RIMS2: variants seen among roughly 807,000 people sequenced by gnomAD.
The protein encoded by RIMS2 is regulating synaptic membrane exocytosis protein 2.
RIMS2 carries 59 observed loss-of-function variants against 174.4 expected under a neutral mutation model. The ratio of observed to expected loss-of-function variants is 0.34; its 90% confidence interval spans 0.27 to 0.42. The LOEUF is 0.42. Among genes scored for constraint, RIMS2 ranks in the 10% least tolerant of loss-of-function variants. The pLI is 1.00. For synonymous variants in RIMS2, 606 were observed against 572.5 expected (o/e 1.06, Z -0.84); for missense variants, 1,620 against 1,666.3 (o/e 0.97, Z 0.48).
chr8:103,804,953 C>T (rs1182795676), intron 3 of RIMS2, among the ~76,000 whole-genome samples: 1 of 151,996 alleles, frequency 6.6e-6, no homozygotes, highest in African/African-American at 2.4e-5. Flanking sequence ...AATGCCATCA[C>T]ACCCAGCTAA....
chr8:103,600,468 G>C (rs961354614), intron 1 of RIMS2, among the ~76,000 whole-genome samples: 2 of 151,924 alleles, frequency 1.3e-5, no homozygotes, highest in Non-Finnish European at 2.9e-5. Flanking sequence ...ATGGGGTTTT[G>C]CCATATTGGC....
chr8:103,916,451 A>G (rs777262112), exon 8 of RIMS2: 18 of 1,609,604 alleles, frequency 1.1e-5, no homozygotes, highest in Non-Finnish European at 5.1e-6. Flanking sequence ...GACTACTGCA[A>G]GGAGCCACAT....
intron 1 of RIMS2, among the ~76,000 whole-genome samples, chr8:103,592,747 CTT>C (rs995914437): frequency 2.0e-5 from 3 of 151,284 alleles, no homozygotes; most frequent in Middle Eastern, 3.2e-3. Flanking sequence ...TAGCATTAAA[CTT>C]TTTTTAGTAC....
intron 17 of RIMS2, among the ~76,000 whole-genome samples, chr8:104,012,740 G>A (rs2095801511): frequency 6.6e-6 from 1 of 152,058 alleles, no homozygotes. Context: ...CCTTCAACAA[G>A]GATTAAGTTT....
chr8:103,561,596 A>T (rs147525808), intron 1 of RIMS2, among the ~76,000 whole-genome samples: 5 of 152,218 alleles, frequency 3.3e-5, no homozygotes, highest in Non-Finnish European at 5.9e-5. Flanking sequence ...TTCTTATATC[A>T]GCAACATCAA....
At chr8:104,069,705 C>T (rs1000708875) in intron 19 of RIMS2, among the ~76,000 whole-genome samples, 4 of 151,788 alleles carry the variant, frequency 2.6e-5, no homozygotes, top group African/African-American at 9.7e-5. Flanking sequence ...CCTGACCTGG[C>T]GATCCGCCTG....
intron 2 of RIMS2, among the ~76,000 whole-genome samples, chr8:103,736,808 TTTTC>T (rs2097690797): frequency 6.6e-6 from 1 of 152,182 alleles, no homozygotes; most frequent in African/African-American, 2.4e-5. Flanking sequence ...CATGAAGAGT[TTTTC>T]TTTCTTACTT....
At chr8:104,184,882 T>C (rs2098959960) in intron 19 of RIMS2, among the ~76,000 whole-genome samples, 1 of 151,180 alleles carries the variant, frequency 6.6e-6, no homozygotes. Flanking sequence ...TATGTACATA[T>C]GTATCATGAT....
In RIMS2 at chr8:103,985,346, C is replaced by T. The variant is rs551808733; in HGVS notation, c.2928-3959C>T. Among the ~76,000 whole-genome samples the T allele has an allele frequency of 1.4e-3, 217 of 151,414 alleles. 2 individuals are homozygous for T. The highest frequency in any genetic ancestry group is 4.4e-3 in the African/African-American group (183 of 41,324). ...AAAATTAGCCGAGCATGGTGGTGCG[C>T]GCCTGTAGTCCCAGCTACTTGGAAG... On this transcript the variant is annotated intron_variant, in intron 16 of 23. Coordinates refer to ENST00000504942, the Ensembl canonical transcript of RIMS2.
intron 1 of RIMS2, among the ~76,000 whole-genome samples, chr8:103,598,257 CTTAAT>C (rs1406885730): frequency 6.6e-6 from 1 of 152,106 alleles, no homozygotes; most frequent in Non-Finnish European, 1.5e-5. Context: ...CTTAGGTCAA[CTTAAT>C]TTAGTAAAAC....
intron 19 of RIMS2, among the ~76,000 whole-genome samples, chr8:104,233,625 G>A (rs528791872): frequency 3.3e-5 from 5 of 152,272 alleles, no homozygotes; most frequent in Non-Finnish European, 5.9e-5. Flanking sequence ...TGAAGAGTTG[G>A]CTTCATTGCT....
chr8:103,610,509 G>A (rs1482205990), intron 1 of RIMS2, among the ~76,000 whole-genome samples: 1 of 152,084 alleles, frequency 6.6e-6, no homozygotes, highest in African/African-American at 2.4e-5. Context: ...TGTTCCTTCA[G>A]TGCCTACTTT....
rs535343237 is a variant in RIMS2 at position 103,559,742 on chromosome 8, T to C, written c.176+58680T>C. On this transcript the variant is annotated intron_variant, in intron 1 of 23. Coordinates refer to ENST00000504942, the Ensembl canonical transcript of RIMS2. Reference sequence around the variant, plus strand: ...AAAAACCATGAAATGTCTGAGATTTTATTCTATTGACAAACTAACAAGTTA... The same window carrying C: ...AAAAACCATGAAATGTCTGAGATTTCATTCTATTGACAAACTAACAAGTTA... Among the ~76,000 whole-genome samples the C allele has an allele frequency of 2.0e-5, 3 of 152,334 alleles. No individual in the cohort carries two copies. In the South Asian group the frequency reaches 6.2e-4, roughly 32 times the overall value.
intron 3 of RIMS2, among the ~76,000 whole-genome samples, chr8:103,782,093 A>G (rs74416734): frequency 1.3e-5 from 2 of 148,604 alleles, no homozygotes; most frequent in East Asian, 2.0e-4. Flanking sequence ...CAGCTGCTCA[A>G]TTTCGCTCAG....
intron 3 of RIMS2, among the ~76,000 whole-genome samples, chr8:103,850,755 A>AT (rs1275239283): frequency 2.0e-5 from 3 of 152,048 alleles, no homozygotes; most frequent in Non-Finnish European, 4.4e-5. Context: ...TAAGTCATAT[A>AT]TTTTTAATGT....
At position 103,856,185 on chromosome 8, in the gene RIMS2, C is replaced by G. The variant is rs1238595528; in HGVS notation, c.699-29113C>G. On this transcript the variant is annotated intron_variant, in intron 3 of 23. Transcript: ENST00000504942. ...TGTTATCTGATATAGGATAGCAACT[C>G]TGTTATCTGATATAGGATAGCAACT... 4.0e-5 allele frequency among the ~76,000 whole-genome samples: 6 copies of G among 151,808 alleles called. No homozygotes were observed. The East Asian group carries it at 1.2e-3, about 29-fold the overall frequency.
chr8:103,595,948 C>T (rs1164245476), intron 1 of RIMS2, among the ~76,000 whole-genome samples: 2 of 151,840 alleles, frequency 1.3e-5, no homozygotes, highest in East Asian at 1.9e-4. Flanking sequence ...AAGTTACTTT[C>T]AATATTTCTC....
intron 12 of RIMS2, among the ~76,000 whole-genome samples, chr8:103,933,508 A>G (rs2154532198): frequency 6.6e-6 from 1 of 152,314 alleles, no homozygotes. Context: ...AAAGAGTAAA[A>G]GATGAAATGG....
intron 1 of RIMS2, among the ~76,000 whole-genome samples, chr8:103,582,630 A>T (rs549887436): frequency 6.6e-6 from 1 of 152,294 alleles, no homozygotes; most frequent in South Asian, 2.1e-4. Flanking sequence ...ACCTTAAAGG[A>T]ACATCTGTGT....
Sources: allele counts gnomAD v4.1 joint callset (sites outside exome capture counted in the v4.1 genomes callset), GRCh38; gene constraint gnomAD v4.1.1; transcripts MANE v1.5; gene names NCBI Gene and HGNC (gene_info 2026-07-23, HGNC 2026-07-21).